USP7: variants seen among roughly 807,000 people sequenced by gnomAD.
USP7 encodes ubiquitin specific peptidase 7.
Under a neutral mutation model 162.9 loss-of-function variants are expected in USP7, and 9 were observed. That is an observed-to-expected ratio of 0.06 (90% CI 0.03 to 0.10). The LOEUF (loss-of-function observed/expected upper bound fraction) is 0.10, where lower values mean the gene tolerates loss of function less well. USP7 is among the 10% of genes least tolerant of loss of function. The probability of loss-of-function intolerance (pLI) is 1.00; values close to 1 mark genes in which losing one functional copy is unlikely to be tolerated. For synonymous variants in USP7, 562 were observed against 475.9 expected (o/e 1.18, Z -2.35); for missense variants, 715 against 1,373.7 (o/e 0.52, Z 7.58).
intron 10 of USP7, among the ~76,000 whole-genome samples, chr16:8,911,127 G>A (rs1160510007): frequency 1.3e-5 from 2 of 152,184 alleles, no homozygotes; most frequent in Middle Eastern, 3.2e-3. Context: ...TATGAAGACA[G>A]CTTGGAATTG....
At chr16:8,921,368 C>G in intron 3 of USP7, 73 bp from the exon 4 acceptor site, 1 of 1,517,712 alleles carries the variant, frequency 6.6e-7, no homozygotes, top group East Asian at 2.3e-5. Flanking sequence ...AGACAGTAAA[C>G]ATAGCACACC....
intron 2 of USP7, chr16:8,929,448 C>T: frequency 2.2e-6 from 1 of 455,748 alleles, no homozygotes; most frequent in East Asian, 7.0e-5. Flanking sequence ...TGCAGTTTCT[C>T]ATGGAGGCTG....
At chr16:8,918,996 C>A in intron 6 of USP7, 35 bp downstream of exon 6, 3 of 1,602,932 alleles carry the variant, frequency 1.9e-6, no homozygotes, top group South Asian at 1.1e-5. Context: ...AAAGGGTGAG[C>A]GGAAGGCTGC....
chr16:8,898,974 G>C (rs912842831), intron 23 of USP7, 147 bp downstream of exon 23: 12 of 844,252 alleles, frequency 1.4e-5, no homozygotes, highest in Non-Finnish European at 1.9e-5. Flanking sequence ...TGGTCAAGAT[G>C]TGAGTGGTGA....
chr16:8,949,113 C>T (rs1299392135), intron 1 of USP7, among the ~76,000 whole-genome samples: 1 of 152,214 alleles, frequency 6.6e-6, no homozygotes, highest in Non-Finnish European at 1.5e-5. Context: ...ATTGTGAATA[C>T]TAAAAACCAC....
chr16:8,924,258 C>T (rs886757538), intron 2 of USP7, among the ~76,000 whole-genome samples: 3 of 152,250 alleles, frequency 2.0e-5, no homozygotes, highest in Non-Finnish European at 4.4e-5. Flanking sequence ...ACGACTCCTG[C>T]GAAGGCACAG....
chr16:8,956,742 A>G (rs532893470), intron 1 of USP7, among the ~76,000 whole-genome samples: 4 of 151,850 alleles, frequency 2.6e-5, no homozygotes, highest in African/African-American at 9.7e-5. Flanking sequence ...CAGCCTGGGT[A>G]ACGAATTAAG....
rs1477290064 is a variant in USP7 at position 8,963,271 on chromosome 16, CTGCTGG to C, written c.9_14del (p.His3_Gln4del). On this transcript the variant is annotated inframe_deletion, in exon 1 of 31. Transcript: ENST00000344836. ...CGCCCGCTTTCTGCTGCTGCTGCTG[CTGCTGG>C]TGGTTCATGTCGGCCGCGGCCTGGG... 1 of 1,349,726 alleles carries C rather than the reference CTGCTGG, an allele frequency of 7.4e-7. No homozygotes were observed. The highest frequency in any genetic ancestry group is 9.6e-7 in the Non-Finnish European group (1 of 1,037,078). The allele number at this position is 1,349,726 out of a possible 1,614,324, so 83.6% of individuals were successfully genotyped here. A position where few individuals can be genotyped will look rare whatever the true frequency, so the allele number is the denominator to read the frequency against.
At chr16:8,908,213 A>G (rs1190090402) in intron 12 of USP7, 128 bp downstream of exon 12, 1 of 770,836 alleles carries the variant, frequency 1.3e-6, no homozygotes, top group Non-Finnish European at 2.1e-6. Context: ...TGGGACACAG[A>G]GGTAGAAGGA....
In USP7 at chr16:8,926,507, C is replaced by CA. The variant is rs753196819; in HGVS notation, c.185-3095dup. ...CCAAAAAAATTCAAGATAGGAGGGC[C>CA]AAAAAAAAGGAGAAGTGGACTTGGA... On this transcript the variant is annotated intron_variant, in intron 2 of 30. Transcript: ENST00000344836. Among the ~76,000 whole-genome samples, 88 of 151,046 alleles carry CA rather than the reference C, an allele frequency of 5.8e-4. No individual in the cohort carries two copies. In the East Asian group the frequency reaches 9.1e-3, roughly 16 times the overall value.
intron 1 of USP7, among the ~76,000 whole-genome samples, chr16:8,961,750 C>T (rs541456588): frequency 1.3e-5 from 2 of 152,286 alleles, no homozygotes. Context: ...TTTAGATGGG[C>T]TGCAAAATAC....
At chr16:8,935,076 C>A (rs868358545) in intron 1 of USP7, among the ~76,000 whole-genome samples, 2 of 152,198 alleles carry the variant, frequency 1.3e-5, no homozygotes, top group Non-Finnish European at 2.9e-5. Context: ...AGATGTACAA[C>A]ATTGGCATGC....
chr16:8,900,665 G>GT, intron 20 of USP7, 35 bp from the exon 21 acceptor site: 1 of 1,511,262 alleles, frequency 6.6e-7, no homozygotes, highest in Non-Finnish European at 9.1e-7. Context: ...TACACTGCAA[G>GT]TTTGTCTAAC....
At chr16:8,908,206 G>C in intron 12 of USP7, 135 bp downstream of exon 12, 1 of 739,646 alleles carries the variant, frequency 1.4e-6, no homozygotes, top group Non-Finnish European at 2.3e-6. Context: ...CGGCTCTTGG[G>C]ACACAGAGGT....
At chr16:8,921,072 A>T (rs905831210) in intron 4 of USP7, 85 bp downstream of exon 4, 1 of 1,449,614 alleles carries the variant, frequency 6.9e-7, no homozygotes, top group African/African-American at 1.4e-5. Context: ...CTCTAAAATC[A>T]ATAAAGGACT....
At position 8,893,562 on chromosome 16, in the gene USP7, T is replaced by A. The variant is rs565567296; in HGVS notation, c.*436A>T. The A allele has an allele frequency of 1.2e-5, 2 of 165,910 alleles. No individual in the cohort carries two copies. The highest frequency in any genetic ancestry group is 1.1e-4 in the Admixed American group (2 of 17,590). The allele number at this position is 165,910 out of a possible 1,614,324, so 10.3% of individuals were successfully genotyped here. ...GCCTTAACAGATGCACAAAAGGTCA[T>A]TGAAAGTATAACTGAAGGAAATAGG... On this transcript the variant is annotated 3_prime_UTR_variant, in exon 31 of 31. Transcript: ENST00000344836.
At chr16:8,921,328 CATT>C in intron 3 of USP7, 33 bp from the exon 4 acceptor site, 6 of 1,601,096 alleles carry the variant, frequency 3.7e-6, no homozygotes, top group Non-Finnish European at 5.1e-6. Flanking sequence ...CCTTAGTTGA[CATT>C]ATTTACCAGA....
chr16:8,937,166 G>C (rs913474246), intron 1 of USP7, among the ~76,000 whole-genome samples: 5 of 151,906 alleles, frequency 3.3e-5, no homozygotes, highest in Non-Finnish European at 5.9e-5. Flanking sequence ...CCCTGAGGCA[G>C]GAAGATCCCT....
chr16:8,915,646 T>C, intron 8 of USP7, 121 bp from the exon 9 acceptor site: 1 of 865,912 alleles, frequency 1.2e-6, no homozygotes. Context: ...AAATATGACC[T>C]CTGGCATGCA....
Sources: gnomAD v4.1 joint callset for allele counts (sites outside exome capture counted in the v4.1 genomes callset) on GRCh38, gnomAD v4.1.1 for gene constraint, MANE v1.5 for transcripts, NCBI Gene and HGNC (gene_info 2026-07-23, HGNC 2026-07-21) for gene names.